PTPN12: variants seen among roughly 807,000 people sequenced by gnomAD.
PTPN12 encodes tyrosine-protein phosphatase non-receptor type 12.
In PTPN12, 29 loss-of-function variants were observed where a neutral mutation model predicts 97.6. That is an observed-to-expected ratio of 0.30 (90% confidence interval 0.22 to 0.41). The LOEUF is 0.41. Ranked by LOEUF, PTPN12 falls within the 10% of genes least tolerant of loss-of-function variation. PTPN12 has a pLI of 1.00. For synonymous variants in PTPN12, 327 were observed against 300.4 expected, an observed-to-expected ratio of 1.09 and a Z score of -0.91; for missense variants, 819 against 926.0, an observed-to-expected ratio of 0.88 and a Z score of 1.50.
chr7:77,537,772 C>T (rs1027529516), intron 1 of PTPN12, 127 bp downstream of exon 1: 2 of 1,018,508 alleles, frequency 2.0e-6, no homozygotes, highest in Non-Finnish European at 2.7e-6. Context: ...GCGCACCAGC[C>T]GGGTGAGCCG....
chr7:77,585,999 G>A (rs962648291), intron 5 of PTPN12, among the ~76,000 whole-genome samples: 1 of 152,016 alleles, frequency 6.6e-6, no homozygotes, highest in Non-Finnish European at 1.5e-5. Flanking sequence ...TGTTGCCCAG[G>A]CTGGAGTGCA....
chr7:77,554,202 C>T lies in PTPN12; in HGVS notation c.99+16557C>T, dbSNP rs955796980. ...AGGCTGTCAAACTCCTGGCCTCAAG[C>T]AATCCTCCTGCCTTGGCTTCCCAAA... On this transcript the variant is annotated intron_variant, in intron 1 of 17. Transcript: ENST00000248594. Among the ~76,000 whole-genome samples the T allele has an allele frequency of 1.2e-3, 178 of 152,302 alleles. 1 individual carries two copies. The highest frequency in any genetic ancestry group is 4.1e-3 in the African/African-American group (172 of 41,568).
rs751962814 is a variant in PTPN12, at chr7:77,605,409, G to GTTTTT, written c.696-1802_696-1798dup. Among the ~76,000 whole-genome samples the GTTTTT allele has an allele frequency of 2.6e-4, 25 of 95,534 alleles. 3 individuals carry two copies. Among genetic ancestry groups the GTTTTT allele is most frequent in the Non-Finnish European group, 2.8e-4 (14 of 50,178 alleles). The allele number at this position is 95,534 out of a possible 152,430, so 62.7% of individuals were successfully genotyped here. On this transcript the variant is annotated intron_variant, in intron 8 of 17. Coordinates refer to ENST00000248594, the MANE Select transcript of PTPN12 (RefSeq NM_002835.4). ...TTACTTTAAAATACTTTTGTCATGAGTTTTTTTTTTTTTTTTTTTTTTTTT... is the reference window on the plus strand; with the variant it reads ...TTACTTTAAAATACTTTTGTCATGAGTTTTTTTTTTTTTTTTTTTTTTTTTTTTTT...
intron 1 of PTPN12, chr7:77,563,913 T>C (rs1421964181): frequency 4.5e-6 from 2 of 441,690 alleles, no homozygotes; most frequent in Admixed American, 2.5e-5. Context: ...GTTAGTGATG[T>C]GCATTTTTTC....
chr7:77,538,167 C>T (rs1385629789), intron 1 of PTPN12: 4 of 926,036 alleles, frequency 4.3e-6, no homozygotes, highest in Non-Finnish European at 3.9e-6. Flanking sequence ...CAGGGTAGGA[C>T]TTAGGCCGTT....
chr7:77,563,168 A>G (rs536007676), intron 1 of PTPN12, among the ~76,000 whole-genome samples: 1 of 152,210 alleles, frequency 6.6e-6, no homozygotes, highest in Non-Finnish European at 1.5e-5. Context: ...GATGAAACCT[A>G]GGAATTGAAC....
intron 1 of PTPN12, among the ~76,000 whole-genome samples, chr7:77,560,247 A>G (rs1807936339): frequency 6.6e-6 from 1 of 152,242 alleles, no homozygotes; most frequent in Non-Finnish European, 1.5e-5. Flanking sequence ...TATGAATATT[A>G]TGTGACCTGG....
chr7:77,628,884 T>A lies in PTPN12; in HGVS notation c.1996+1209T>A, dbSNP rs1789296694. ...CTGACCCATTATATACCACCCATAC[T>A]GTAGTGCTTGTATTTTCTCTCACAC... is the stretch of plus-strand genomic sequence containing the variant. On this transcript the variant is annotated intron_variant, in intron 13 of 17. Coordinates refer to ENST00000248594, the MANE Select transcript of PTPN12 (RefSeq NM_002835.4). Among the ~76,000 whole-genome samples, 9 of 152,016 alleles carry A rather than the reference T, an allele frequency of 5.9e-5. No individual in the cohort carries two copies. The South Asian group carries it at 1.9e-3, about 32-fold the overall frequency.
chr7:77,599,096 T>G (rs145216314), intron 7 of PTPN12, among the ~76,000 whole-genome samples: 1 of 151,796 alleles, frequency 6.6e-6, no homozygotes, highest in East Asian at 1.9e-4. Flanking sequence ...TAAAAAGTAA[T>G]ATTAATTATA....
chr7:77,571,097 C>T lies in PTPN12; in HGVS notation c.119C>T (p.Thr40Ile), dbSNP rs1787110501. ...RDFMRLRRLS[T>I]KYRTEKIYPT... ...TTTAAGCGGTTAAGAAGATTGTCTA[C>T]CAAATATAGAACAGAAAAGATATAT... The change falls in exon 2 of 18, where the codon ACC becomes ATC. Residue 40 changes from threonine to isoleucine, a missense_variant. Physicochemically the swap from Thr to Ile is moderately conservative, Grantham distance 89 (BLOSUM62 -1). Coordinates refer to ENST00000248594, the MANE Select transcript of PTPN12 (RefSeq NM_002835.4). 1.3e-6 allele frequency: 2 copies of T among 1,581,850 alleles called. No individual in the cohort carries two copies. Among genetic ancestry groups the T allele is most frequent in the African/African-American group, 1.4e-5 (1 of 72,838 alleles).
At chr7:77,637,536 C>T (rs1284452376) in intron 16 of PTPN12, among the ~76,000 whole-genome samples, 2 of 152,110 alleles carry the variant, frequency 1.3e-5, no homozygotes, top group African/African-American at 2.4e-5. Flanking sequence ...GAGTAAACTA[C>T]AATCTAAACA....
Position 77,583,616 on chromosome 7 carries a change from A to T in PTPN12, c.347A>T (p.Asp116Val). Residue 116 changes from aspartate to valine, a missense_variant, in exon 4 of 18, where the codon GAT becomes GTT. Transcript: ENST00000248594. ...GGACCTTTAGCAAATACAGTAATAG[A>T]TTTTTGGAGGATGATATGGGAGTAT... ...TQGPLANTVI[D>V]FWRMIWEYNV... 6.2e-7 allele frequency: 1 copy of T among 1,610,114 alleles called. No individual in the cohort carries two copies. Among genetic ancestry groups the T allele is most frequent in the Non-Finnish European group, 8.5e-7 (1 of 1,177,678 alleles).
At chr7:77,625,989 A>G (rs1789166680) in intron 12 of PTPN12, among the ~76,000 whole-genome samples, 8 of 152,284 alleles carry the variant, frequency 5.3e-5, no homozygotes, top group Admixed American at 5.2e-4. Context: ...AACCAGAGAG[A>G]ACATTAGCTC....
At chr7:77,619,170 A>C (rs1440362945) in intron 12 of PTPN12, among the ~76,000 whole-genome samples, 1 of 152,138 alleles carries the variant, frequency 6.6e-6, no homozygotes, top group African/African-American at 2.4e-5. Context: ...AATCCTGGGG[A>C]GAAGGAGTTG....
At position 77,573,103 on chromosome 7, in the gene PTPN12, A is replaced by AAAAAAAT. The variant is rs1562720882; in HGVS notation, c.208+1918_208+1919insAAAAATA. Among the ~76,000 whole-genome samples, 2 of 50,164 alleles carry AAAAAAAT rather than the reference A, an allele frequency of 4.0e-5. 1 individual carries two copies. The highest frequency in any genetic ancestry group is 7.2e-3 in the East Asian group (2 of 276). The allele number at this position is 50,164 out of a possible 152,430, so 32.9% of individuals were successfully genotyped here. On this transcript the variant is annotated intron_variant, in intron 2 of 17. Transcript: ENST00000248594. ...ATCTCAAAAAAAAAAAAAACAAAAAAACAAAAAAAACCAGTGTACCTAGCA... is the reference window on the plus strand; with the variant it reads ...ATCTCAAAAAAAAAAAAAACAAAAAAAAAAAATACAAAAAAAACCAGTGTACCTAGCA...
At chr7:77,541,181 C>G (rs1010274887) in intron 1 of PTPN12, among the ~76,000 whole-genome samples, 2 of 152,158 alleles carry the variant, frequency 1.3e-5, no homozygotes, top group African/African-American at 4.8e-5. Flanking sequence ...GCGTCGGTCT[C>G]CCTGGGCTCA....
intron 2 of PTPN12, among the ~76,000 whole-genome samples, chr7:77,576,339 A>G (rs1787342007): frequency 6.6e-6 from 1 of 152,100 alleles, no homozygotes; most frequent in Non-Finnish European, 1.5e-5. Flanking sequence ...TAGCTAGCAA[A>G]ACCATGGAGA....
intron 1 of PTPN12, among the ~76,000 whole-genome samples, chr7:77,559,223 G>C (rs118181364): frequency 4.1e-4 from 63 of 152,340 alleles, no homozygotes; most frequent in Non-Finnish European, 7.9e-4. Context: ...AGAGGATCGT[G>C]TGTAATTTCA....
intron 13 of PTPN12, among the ~76,000 whole-genome samples, chr7:77,629,598 A>T (rs1392125403): frequency 6.6e-6 from 1 of 151,278 alleles, no homozygotes; most frequent in African/African-American, 2.4e-5. Flanking sequence ...TGGAAATAGG[A>T]TTTGGTGAGG....
Sources: gnomAD v4.1 joint callset for allele counts (sites outside exome capture counted in the v4.1 genomes callset) on GRCh38, gnomAD v4.1.1 for gene constraint, MANE v1.5 for transcripts, NCBI Gene and HGNC (gene_info 2026-07-23, HGNC 2026-07-21) for gene names.